SH3PXD2A: variants seen among roughly 807,000 people sequenced by gnomAD.
SH3PXD2A encodes SH3 and PX domain-containing protein 2A.
In SH3PXD2A, 32 loss-of-function variants were observed where a neutral mutation model predicts 115.2. That is an observed-to-expected ratio of 0.28 (90% CI 0.21 to 0.37). The LOEUF (loss-of-function observed/expected upper bound fraction) is 0.37, where lower values mean the gene tolerates loss of function less well. Ranked by LOEUF, SH3PXD2A falls within the 10% of genes least tolerant of loss-of-function variation. The probability of loss-of-function intolerance (pLI) is 1.00; values close to 1 mark genes in which losing one functional copy is unlikely to be tolerated. For synonymous variants in SH3PXD2A, 610 were observed against 629.1 expected (o/e 0.97, Z 0.45); for missense variants, 1,328 against 1,498.7 (o/e 0.89, Z 1.88).
At chr10:103,679,597 G>A (rs1233285532) in intron 6 of SH3PXD2A, among the ~76,000 whole-genome samples, 1 of 152,236 alleles carries the variant, frequency 6.6e-6, no homozygotes, top group Non-Finnish European at 1.5e-5. Context: ...ATGCAAATGA[G>A]CAACTCAGAG....
chr10:103,851,669 T>G (rs115575279), intron 1 of SH3PXD2A, among the ~76,000 whole-genome samples: 272 of 152,258 alleles, frequency 1.8e-3, no homozygotes, highest in African/African-American at 5.1e-3. Flanking sequence ...CTACCCCACA[T>G]TAGGGTACAT....
In SH3PXD2A at chr10:103,603,552, G is replaced by A; in HGVS notation, c.1666C>T (p.Pro556Ser). The A allele has an allele frequency of 6.2e-7, 1 of 1,612,756 alleles. No individual in the cohort carries two copies. Among genetic ancestry groups the A allele is most frequent in the Non-Finnish European group, 8.5e-7 (1 of 1,179,312 alleles). ...CCGAATGCAGGGATGTCATACTCAGGCTCCTCATACTTGAGCTTCCGCGGG... is the reference window on the plus strand; with the variant it reads ...CCGAATGCAGGGATGTCATACTCAGACTCCTCATACTTGAGCTTCCGCGGG... Reference protein sequence around the residue: ...DSPRKLKYEEPEYDIPAFGFD... With the variant: ...DSPRKLKYEESEYDIPAFGFD... Residue 556 changes from proline to serine, a missense_variant, in exon 15 of 15, where the codon CCT (proline) becomes TCT (serine). Pro to Ser is a moderately conservative substitution (Grantham distance 74, BLOSUM62 -1). This residue lies in a region of SH3PXD2A where 509 missense variants were observed against 628.3 expected (regional missense o/e 0.81). Coordinates refer to ENST00000369774, the MANE Select transcript of SH3PXD2A (RefSeq NM_001394015.1).
At chr10:103,825,687 A>T (rs2039423167) in intron 1 of SH3PXD2A, among the ~76,000 whole-genome samples, 1 of 151,976 alleles carries the variant, frequency 6.6e-6, no homozygotes, top group African/African-American at 2.4e-5. Context: ...TCCGGACAGC[A>T]CTGACACACT....
intron 3 of SH3PXD2A, among the ~76,000 whole-genome samples, chr10:103,743,905 G>A (rs969353456): frequency 5.9e-5 from 9 of 152,170 alleles, no homozygotes; most frequent in Non-Finnish European, 1.2e-4. Flanking sequence ...AGCAGGCACC[G>A]GCTTCTCACT....
At chr10:103,634,848 T>C (rs1309822090) in intron 8 of SH3PXD2A, among the ~76,000 whole-genome samples, 3 of 152,138 alleles carry the variant, frequency 2.0e-5, no homozygotes, top group Non-Finnish European at 4.4e-5. Flanking sequence ...CCTTTCTGAG[T>C]CTCAGTCACC....
At chr10:103,747,895 C>CCA (rs1037684692) in intron 3 of SH3PXD2A, among the ~76,000 whole-genome samples, 1 of 152,084 alleles carries the variant, frequency 6.6e-6, no homozygotes, top group African/African-American at 2.4e-5. Flanking sequence ...AGCAATCCAC[C>CCA]CACTTCAGCC....
chr10:103,779,416 G>A (rs1209919772), intron 2 of SH3PXD2A, among the ~76,000 whole-genome samples: 1 of 152,210 alleles, frequency 6.6e-6, no homozygotes, highest in Non-Finnish European at 1.5e-5. Flanking sequence ...GGCTGCTTGT[G>A]AACTTCCCTC....
intron 5 of SH3PXD2A, among the ~76,000 whole-genome samples, chr10:103,701,863 C>T (rs1165794088): frequency 3.3e-5 from 5 of 149,290 alleles, no homozygotes; most frequent in Non-Finnish European, 7.4e-5. Flanking sequence ...CATCCATTTA[C>T]CATCTATCCA....
At chr10:103,687,775 GC>G (rs1462046091) in intron 6 of SH3PXD2A, among the ~76,000 whole-genome samples, 1 of 152,168 alleles carries the variant, frequency 6.6e-6, no homozygotes, top group Non-Finnish European at 1.5e-5. Context: ...ACATGGTGCT[GC>G]TTCACCCTAT....
At chr10:103,721,045 C>G (rs2134168523) in intron 5 of SH3PXD2A, among the ~76,000 whole-genome samples, 1 of 152,334 alleles carries the variant, frequency 6.6e-6, no homozygotes, top group Non-Finnish European at 1.5e-5. Context: ...TGGCCAATAC[C>G]ACCTCAAGAA....
At chr10:103,632,678 G>T (rs189062990) in intron 8 of SH3PXD2A, among the ~76,000 whole-genome samples, 357 of 152,230 alleles carry the variant, frequency 2.3e-3, no homozygotes, top group Non-Finnish European at 4.2e-3. Flanking sequence ...ATCTCCCCTG[G>T]CATCAACAGA....
Position 103,774,750 on chromosome 10 carries a change from A to G in SH3PXD2A, c.154-7581T>C, listed in dbSNP as rs150011865. 5.5e-3 allele frequency among the ~76,000 whole-genome samples: 838 copies of G among 152,276 alleles called. 5 individuals are homozygous for G. The highest frequency in any genetic ancestry group is 0.019 in the African/African-American group (803 of 41,542). On this transcript the variant is annotated intron_variant, in intron 2 of 14. Coordinates refer to ENST00000369774, the MANE Select transcript of SH3PXD2A (RefSeq NM_001394015.1). ...ATGCTTTCTTAGGGGGGATCTATGGAAAGTCCTAGGTATTTTCCAAGTACC... is the reference window on the plus strand; with the variant it reads ...ATGCTTTCTTAGGGGGGATCTATGGGAAGTCCTAGGTATTTTCCAAGTACC...
chr10:103,603,003 C>A lies in SH3PXD2A; in HGVS notation c.2215G>T (p.Asp739Tyr), dbSNP rs1375558676. The change falls in exon 15 of 15, where the codon GAT (aspartate) becomes TAT (tyrosine). Residue 739 changes from aspartate to tyrosine, a missense_variant. Transcript: ENST00000369774. ...RGTPKVRAKK[D>Y]ADANAGLTSC... ...GTCAGCCCAGCGTTCGCATCAGCAT[C>A]CTTCTTTGCCCTGACCTTGGGAGTG... 3.7e-6 allele frequency: 6 copies of A among 1,614,196 alleles called. No individual in the cohort carries two copies. The highest frequency in any genetic ancestry group is 5.1e-6 in the Non-Finnish European group (6 of 1,180,050).
rs534670375 is a variant in SH3PXD2A at position 103,622,462 on chromosome 10, G to T, written c.802+8C>A. ...TGCGAGGGAGGAGAAGCCAGCTCCCGCAGTCACCTCGGCTGTGCTGCCTGT... is the reference window on the plus strand; with the variant it reads ...TGCGAGGGAGGAGAAGCCAGCTCCCTCAGTCACCTCGGCTGTGCTGCCTGT... On this transcript the variant is annotated splice_region_variant and intron_variant, in intron 10 of 14. Transcript: ENST00000369774. The T allele has an allele frequency of 3.9e-6, 6 of 1,541,580 alleles. No individual in the cohort carries two copies. In the South Asian group the frequency reaches 6.0e-5, roughly 15 times the overall value.
intron 1 of SH3PXD2A, among the ~76,000 whole-genome samples, chr10:103,814,734 T>C (rs2039306604): frequency 6.6e-6 from 1 of 152,212 alleles, no homozygotes; most frequent in Non-Finnish European, 1.5e-5. Flanking sequence ...TAGTCTGAGC[T>C]CTGGCTAAGT....
intron 1 of SH3PXD2A, among the ~76,000 whole-genome samples, chr10:103,821,121 T>C (rs2039374726): frequency 6.6e-6 from 1 of 151,062 alleles, no homozygotes; most frequent in African/African-American, 2.4e-5. Flanking sequence ...ACAGAAAACA[T>C]TTAATGTATG....
At chr10:103,696,808 G>T (rs1592306255) in intron 5 of SH3PXD2A, among the ~76,000 whole-genome samples, 1 of 152,282 alleles carries the variant, frequency 6.6e-6, no homozygotes, top group Admixed American at 6.5e-5. Flanking sequence ...GCTGGTCCAG[G>T]GGTGACTCAA....
At chr10:103,720,488 C>G (rs951652538) in intron 5 of SH3PXD2A, among the ~76,000 whole-genome samples, 1 of 152,232 alleles carries the variant, frequency 6.6e-6, no homozygotes, top group Non-Finnish European at 1.5e-5. Flanking sequence ...CAGACCTTGT[C>G]TTCTCTGGAA....
At chr10:103,780,460 TG>T (rs2038921494) in intron 2 of SH3PXD2A, among the ~76,000 whole-genome samples, 1 of 152,218 alleles carries the variant, frequency 6.6e-6, no homozygotes, top group African/African-American at 2.4e-5. Context: ...AGCTCCTCCC[TG>T]TAGCCTTGCC....
Sources: allele counts gnomAD v4.1 joint callset (sites outside exome capture counted in the v4.1 genomes callset), GRCh38; gene constraint gnomAD v4.1.1; regional missense constraint gnomAD v4.1.1; transcripts MANE v1.5; gene names NCBI Gene and HGNC (gene_info 2026-07-23, HGNC 2026-07-21).